SLC10A7: variants seen among roughly 807,000 people sequenced by gnomAD.
SLC10A7 encodes the protein solute carrier family 10 member 7.
In SLC10A7, 29 loss-of-function variants were observed where a neutral mutation model predicts 43.2. That is an observed-to-expected ratio of 0.67 (90% CI 0.50 to 0.92). The LOEUF (loss-of-function observed/expected upper bound fraction) is 0.92, where lower values mean the gene tolerates loss of function less well. Among genes scored for constraint, SLC10A7 ranks in the 40% least tolerant of loss-of-function variants. SLC10A7 has a pLI of 0.00. For missense variants in SLC10A7, 295 were observed against 403.2 expected (o/e 0.73, Z 2.30); for synonymous variants, 152 against 144.8 (o/e 1.05, Z -0.35).
intron 11 of SLC10A7, among the ~76,000 whole-genome samples, chr4:146,257,149 A>T (rs1460916622): frequency 6.6e-6 from 1 of 152,246 alleles, no homozygotes; most frequent in African/African-American, 2.4e-5. Flanking sequence ...ACATGTACAA[A>T]TTCTGACTGA....
At chr4:146,289,633 C>G (rs1388454056) in intron 9 of SLC10A7, among the ~76,000 whole-genome samples, 1 of 149,594 alleles carries the variant, frequency 6.7e-6, no homozygotes, top group Non-Finnish European at 1.5e-5. Flanking sequence ...CATTTCCTAG[C>G]AACTAGGACA....
rs1727829040 is a variant in SLC10A7 at position 146,255,197 on chromosome 4, C to G, written c.*1294G>C. 1 of 152,578 alleles carries G rather than the reference C, an allele frequency of 6.6e-6. No homozygotes were observed. Among genetic ancestry groups the G allele is most frequent in the Non-Finnish European group, 1.5e-5 (1 of 68,028 alleles). 9.5% of individuals were successfully genotyped at this position (152,578 alleles called of 1,614,324 possible). On this transcript the variant is annotated 3_prime_UTR_variant, in exon 12 of 12. Transcript: ENST00000335472. ...CATGGGGGAAACACAGAAAAGTGTT[C>G]TCGTAGTTCTATACGTGGCTTCATT...
chr4:146,427,599 T>C (rs543484423), intron 5 of SLC10A7, among the ~76,000 whole-genome samples: 2 of 152,186 alleles, frequency 1.3e-5, no homozygotes, highest in Non-Finnish European at 2.9e-5. Flanking sequence ...TAGAAGCCTC[T>C]ATGTTTATAT....
chr4:146,372,494 T>C (rs1736869056), intron 5 of SLC10A7, among the ~76,000 whole-genome samples: 2 of 151,412 alleles, frequency 1.3e-5, no homozygotes, highest in South Asian at 4.2e-4. Context: ...GTGATTCTGA[T>C]GAACAGCCCA....
intron 10 of SLC10A7, among the ~76,000 whole-genome samples, chr4:146,270,871 A>G (rs976387052): frequency 7.2e-5 from 11 of 152,254 alleles, no homozygotes; most frequent in African/African-American, 2.2e-4. Context: ...TGCCTAGCAC[A>G]TGGGCGGTAC....
intron 5 of SLC10A7, among the ~76,000 whole-genome samples, chr4:146,411,605 G>A (rs949890796): frequency 3.3e-5 from 5 of 152,130 alleles, no homozygotes; most frequent in Non-Finnish European, 7.4e-5. Context: ...TAATACTAAT[G>A]TTTGAAGGAG....
At chr4:146,446,788 CTATCTATT>C (rs1375163344) in intron 4 of SLC10A7, among the ~76,000 whole-genome samples, 65 of 142,310 alleles carry the variant, frequency 4.6e-4, no homozygotes, top group Non-Finnish European at 6.4e-4. Flanking sequence ...ATCTATCTAT[CTATCTATT>C]TATCTATCTA....
At chr4:146,281,478 AT>A (rs752587459) in intron 10 of SLC10A7, among the ~76,000 whole-genome samples, 77 of 151,790 alleles carry the variant, frequency 5.1e-4, no homozygotes, top group Non-Finnish European at 5.3e-4. Context: ...TGTTGCAGAA[AT>A]GTGGGAATGT....
intron 4 of SLC10A7, among the ~76,000 whole-genome samples, chr4:146,465,103 A>G (rs1165192570): frequency 2.0e-5 from 3 of 152,128 alleles, no homozygotes; most frequent in African/African-American, 7.2e-5. Context: ...AAAGTTATTT[A>G]TAGAGTCCAA....
intron 5 of SLC10A7, among the ~76,000 whole-genome samples, chr4:146,370,980 C>T (rs1159251242): frequency 1.3e-5 from 2 of 152,138 alleles, no homozygotes; most frequent in African/African-American, 2.4e-5. Flanking sequence ...CATAAAAATT[C>T]CCCAGATCTG....
intron 4 of SLC10A7, among the ~76,000 whole-genome samples, chr4:146,494,050 T>C (rs1203451365): frequency 2.0e-5 from 3 of 152,238 alleles, no homozygotes; most frequent in East Asian, 1.9e-4. Context: ...AACCCAGTTA[T>C]TTCATCAGTG....
chr4:146,514,152 C>G (rs1737737615), intron 2 of SLC10A7: 1 of 152,204 alleles, frequency 6.6e-6, no homozygotes, highest in Non-Finnish European at 1.5e-5. Context: ...TTGAAACAAA[C>G]AGCACACATC....
chr4:146,355,534 A>G (rs977577653), intron 5 of SLC10A7, among the ~76,000 whole-genome samples: 22 of 151,656 alleles, frequency 1.5e-4, no homozygotes, highest in African/African-American at 5.3e-4. Context: ...CCATCCCATT[A>G]CTGGGTATAT....
At chr4:146,352,410 GACTT>G (rs1268352451) in intron 5 of SLC10A7, among the ~76,000 whole-genome samples, 1 of 89,288 alleles carries the variant, frequency 1.1e-5, no homozygotes, top group Non-Finnish European at 2.2e-5. Flanking sequence ...CCTACAAAGA[GACTT>G]AGACTCCCAC....
chr4:146,310,716 C>G (rs1731916676), intron 6 of SLC10A7, among the ~76,000 whole-genome samples: 1 of 152,066 alleles, frequency 6.6e-6, no homozygotes, highest in Non-Finnish European at 1.5e-5. Flanking sequence ...TTATTACCCT[C>G]ATTTTCACAA....
At position 146,465,793 on chromosome 4, in the gene SLC10A7, G is replaced by A. The variant is rs115322804; in HGVS notation, c.397-22972C>T. On this transcript the variant is annotated intron_variant, in intron 4 of 11. Transcript: ENST00000335472. The stretch of plus-strand genomic sequence containing the variant: ...TCATTCTCTGCAGTTCTTAAAGATC[G>A]CAGTTTAACTGAAGTCTTCATCAGA... 7.2e-3 allele frequency among the ~76,000 whole-genome samples: 1,095 copies of A among 152,234 alleles called. 17 individuals are homozygous for A. The highest frequency in any genetic ancestry group is 0.025 in the African/African-American group (1,029 of 41,546).
chr4:146,428,153 T>A (rs1330241120), intron 5 of SLC10A7, among the ~76,000 whole-genome samples: 1 of 152,072 alleles, frequency 6.6e-6, no homozygotes, highest in East Asian at 1.9e-4. Flanking sequence ...CACTCCAACT[T>A]TGGCAATGAA....
intron 5 of SLC10A7, among the ~76,000 whole-genome samples, chr4:146,428,112 G>C (rs1165411134): frequency 4.6e-5 from 7 of 152,228 alleles, no homozygotes; most frequent in Non-Finnish European, 8.8e-5. Flanking sequence ...GGGAGGTTGA[G>C]GCTGCAGTGA....
chr4:146,368,694 T>G (rs531070905), intron 5 of SLC10A7, among the ~76,000 whole-genome samples: 2 of 152,310 alleles, frequency 1.3e-5, no homozygotes, highest in South Asian at 2.1e-4. Context: ...GAGTAACATA[T>G]TTTTATCAAG....
Sources: gnomAD v4.1 joint callset for allele counts (sites outside exome capture counted in the v4.1 genomes callset) on GRCh38, gnomAD v4.1.1 for gene constraint, MANE v1.5 for transcripts, NCBI Gene and HGNC (gene_info 2026-07-23, HGNC 2026-07-21) for gene names.